Variants in MDN1 observed in about 807,000 individuals in gnomAD.
MDN1 encodes the protein midasin.
A neutral mutation model predicts 669.2 loss-of-function variants in MDN1; 266 were observed. The observed-to-expected ratio is 0.40, with a 90% CI of 0.36 to 0.44. MDN1 has a LOEUF of 0.44. MDN1 is among the 20% of genes least tolerant of loss of function. The pLI is 1.00. For missense variants in MDN1, 5,940 were observed against 6,754.0 expected (o/e 0.88, Z 4.22); for synonymous variants, 2,385 against 2,457.1 (o/e 0.97, Z 0.87).
intron 1 of MDN1, among the ~76,000 whole-genome samples, chr6:89,809,387 T>C (rs1031110362): frequency 3.9e-5 from 6 of 151,924 alleles, no homozygotes; most frequent in African/African-American, 1.5e-4. Context: ...TCTCAGCACT[T>C]TGGGAGGCCA....
chr6:89,704,551 T>C (rs1200268627), intron 53 of MDN1, among the ~76,000 whole-genome samples: 1 of 152,194 alleles, frequency 6.6e-6, no homozygotes, highest in Non-Finnish European at 1.5e-5. Context: ...TATAAACTAA[T>C]GCAGGGTCAA....
chr6:89,768,741 C>G (rs534356578), intron 15 of MDN1, among the ~76,000 whole-genome samples: 2 of 151,316 alleles, frequency 1.3e-5, no homozygotes, highest in South Asian at 2.1e-4. Flanking sequence ...TGTCCCCCCC[C>G]AAAAAAAGAG....
chr6:89,658,184 C>T (rs775998342), intron 90 of MDN1, 25 bp downstream of exon 90: 105 of 1,612,700 alleles, frequency 6.5e-5, no homozygotes, highest in Non-Finnish European at 8.2e-5. Flanking sequence ...AGGCAGCTGG[C>T]GGCTGCAGTG....
chr6:89,817,069 C>T (rs114246454), intron 1 of MDN1, among the ~76,000 whole-genome samples: 180 of 152,222 alleles, frequency 1.2e-3, no homozygotes, highest in African/African-American at 4.2e-3. Context: ...TCTTTGAATC[C>T]ACCTGTGACT....
At chr6:89,710,564 G>T in intron 50 of MDN1, 117 bp downstream of exon 50, 1 of 484,318 alleles carries the variant, frequency 2.1e-6, no homozygotes, top group Non-Finnish European at 3.6e-6. Context: ...TGCATATCAT[G>T]AGTCTTCTAA....
Position 89,754,095 on chromosome 6 carries a change from G to T in MDN1, c.2952C>A (p.Arg984=). The change falls in exon 21 of 102, where the codon CGC becomes CGA. Residue 984 remains arginine (R), a synonymous_variant. Transcript: ENST00000369393. ...ACTTCAGAAAGACCTCATAGAGTGAGCGCTGAATGTTGCCACATGGATTGG... is the reference window on the plus strand; with the variant it reads ...ACTTCAGAAAGACCTCATAGAGTGATCGCTGAATGTTGCCACATGGATTGG... ...AASNPCGNIQ[R]SLYEGFCLGF... is the part of the protein sequence containing the mutation. 1 of 1,613,966 alleles carries T rather than the reference G, an allele frequency of 6.2e-7. No individual in the cohort carries two copies. The highest frequency in any genetic ancestry group is 8.5e-7 in the Non-Finnish European group (1 of 1,179,964).
In MDN1 at chr6:89,692,650, G is replaced by A. The variant is rs200560830; in HGVS notation, c.10380C>T (p.Cys3460=). 1,677 of 1,614,218 alleles carry A rather than the reference G, an allele frequency of 1.0e-3. 29 individuals carry two copies. In the South Asian group the frequency reaches 0.017, roughly 16 times the overall value. The change falls in exon 63 of 102, where the codon TGC becomes TGT. Residue 3460 remains cysteine (C), a synonymous_variant. Transcript: ENST00000369393. Reference sequence around the variant, plus strand: ...GTAGAACCTCCTCAGACTTCACCGAGCACAAAGTGTCTGCATGAGCATAGT... The same window carrying A: ...GTAGAACCTCCTCAGACTTCACCGAACACAAAGTGTCTGCATGAGCATAGT... ...PTYYAHADTL[C]SVKSEEVLRG...
chr6:89,673,003 C>G (rs776030469), intron 80 of MDN1, among the ~76,000 whole-genome samples: 4 of 152,180 alleles, frequency 2.6e-5, no homozygotes, highest in Non-Finnish European at 5.9e-5. Context: ...GGAAAACAGA[C>G]AGTGAGCTGA....
chr6:89,703,181 C>A (rs567278435), intron 53 of MDN1, among the ~76,000 whole-genome samples: 6 of 152,236 alleles, frequency 3.9e-5, no homozygotes, highest in African/African-American at 1.4e-4. Context: ...AGGTGATCCA[C>A]CCACCTCGGC....
At chr6:89,795,820 T>C (rs1819562814) in intron 2 of MDN1, among the ~76,000 whole-genome samples, 1 of 151,948 alleles carries the variant, frequency 6.6e-6, no homozygotes, top group African/African-American at 2.4e-5. Context: ...GGCATGGTGG[T>C]GGCTCATGCC....
At chr6:89,801,523 C>T (rs1767658412) in intron 2 of MDN1, among the ~76,000 whole-genome samples, 1 of 152,148 alleles carries the variant, frequency 6.6e-6, no homozygotes, top group Non-Finnish European at 1.5e-5. Flanking sequence ...TGGTGGCACG[C>T]ACCTGTAGTC....
chr6:89,695,717 C>T lies in MDN1; in HGVS notation c.9659G>A (p.Arg3220His), dbSNP rs757915504. 8 of 1,613,650 alleles carry T rather than the reference C, an allele frequency of 5.0e-6. No homozygotes were observed. Among genetic ancestry groups the T allele is most frequent in the East Asian group, 4.5e-5 (2 of 44,880 alleles). ...SKRSLPEPAQ[R>H]GSLWVSLGLL... ...GCCGAGGCTCACCCAGAGGCTCCCA[C>T]GCTGGGCTGGCTCAGGCAGGCTCCT... The change falls in exon 61 of 102, where the codon CGT (arginine) becomes CAT (histidine). Residue 3220 changes from arginine (R) to histidine (H), a missense_variant. By Grantham distance (29) the Arg-to-His change is conservative. Coordinates refer to ENST00000369393, the MANE Select transcript of MDN1 (RefSeq NM_014611.3). This position sits in a 1 kb window ranked among gnomAD's most constrained non-coding sequence, Gnocchi z 4.1.
At chr6:89,681,668 A>G (rs1390373697) in intron 73 of MDN1, among the ~76,000 whole-genome samples, 1 of 152,192 alleles carries the variant, frequency 6.6e-6, no homozygotes, top group Non-Finnish European at 1.5e-5. Flanking sequence ...GCCATATCAT[A>G]TCTCTGCAGC....
At chr6:89,733,028 A>G (rs1251091458) in intron 33 of MDN1, among the ~76,000 whole-genome samples, 1 of 152,226 alleles carries the variant, frequency 6.6e-6, no homozygotes, top group African/African-American at 2.4e-5. Context: ...ATAGTTTTAG[A>G]TACTGACCTG....
rs181084340 is a variant in MDN1 at position 89,663,695 on chromosome 6, G to A, written c.14237-728C>T. Among the ~76,000 whole-genome samples the A allele has an allele frequency of 6.8e-3, 1,034 of 152,184 alleles. 15 individuals are homozygous for A. Among genetic ancestry groups the A allele is most frequent in the African/African-American group, 0.024 (995 of 41,506 alleles). ...CACGCCTGTAATCCCAGCACTTTGG[G>A]AGGCTGAGGTGGGCGGATCATGATG... On this transcript the variant is annotated intron_variant, in intron 85 of 101. Coordinates refer to ENST00000369393, the MANE Select transcript of MDN1 (RefSeq NM_014611.3).
At chr6:89,743,477 T>TA (rs1816402078) in intron 30 of MDN1, 99 bp downstream of exon 30, 9 of 1,450,714 alleles carry the variant, frequency 6.2e-6, no homozygotes, top group South Asian at 2.7e-5. Flanking sequence ...TATGCACATT[T>TA]AACCAAACCA....
chr6:89,650,804 G>A lies in MDN1; in HGVS notation c.15959C>T (p.Thr5320Ile). The A allele has an allele frequency of 6.2e-7, 1 of 1,614,152 alleles. No individual in the cohort carries two copies. The highest frequency in any genetic ancestry group is 8.5e-7 in the Non-Finnish European group (1 of 1,179,992). The change falls in exon 96 of 102, where the codon ACA (threonine) becomes ATA (isoleucine). Residue 5320 changes from threonine (T) to isoleucine (I), a missense_variant. Thr to Ile is a moderately conservative substitution (Grantham distance 89). This residue lies in a region of MDN1 where 2,280 missense variants were observed against 2,576.3 expected (regional missense o/e 0.88). Transcript: ENST00000369393. ...AEMWQSYLIL[T>I]APLSQRLCEE... ...ACATAACCGTTGTGAAAGAGGCGCT[G>A]TTAAGATCAGGTAACTCTGCCACAT...
chr6:89,771,358 G>A (rs1215186238), intron 15 of MDN1, among the ~76,000 whole-genome samples: 2 of 152,030 alleles, frequency 1.3e-5, no homozygotes, highest in Non-Finnish European at 2.9e-5. Flanking sequence ...TTACTTTCCT[G>A]TCTTACTGGG....
In MDN1 at chr6:89,658,219, T is replaced by A. The variant is rs1188739352; in HGVS notation, c.15173A>T (p.Gln5058Leu). ...GAAACCACTGATCACCTCTTTCCCC[T>A]GCTCCTTCTCAGGTGCGGCCCCAGC... ...ELAGAAPEKEQGKEEHGSGAA... is the reference protein window; with the variant it reads ...ELAGAAPEKELGKEEHGSGAA... The change falls in exon 90 of 102, where the codon CAG becomes CTG. Residue 5058 changes from glutamine (Q) to leucine (L), a missense_variant. Around this residue, in one of 5 missense-constraint regions of MDN1, gnomAD observed 2,280 missense variants for 2,576.3 expected, o/e 0.88. Transcript: ENST00000369393. 1 of 1,614,184 alleles carries A rather than the reference T, an allele frequency of 6.2e-7. No homozygotes were observed.
Sources: allele counts gnomAD v4.1 joint callset (sites outside exome capture counted in the v4.1 genomes callset), GRCh38; gene constraint gnomAD v4.1.1; regional missense constraint gnomAD v4.1.1; non-coding constraint Gnocchi (gnomAD v3.1); transcripts MANE v1.5; gene names NCBI Gene and HGNC (gene_info 2026-07-23, HGNC 2026-07-21).